The following GRHL2 variants were observed in gnomAD, a reference collection of about 807,000 sequenced individuals.
GRHL2 encodes the protein grainyhead-like protein 2 homolog.
GRHL2 carries 21 observed loss-of-function variants against 83.8 expected under a neutral mutation model. The observed-to-expected ratio is 0.25, with a 90% CI of 0.18 to 0.36. The LOEUF is 0.36. Ranked by LOEUF, GRHL2 falls within the 10% of genes least tolerant of loss-of-function variation. The pLI, the probability that GRHL2 is intolerant of heterozygous loss-of-function variation, is 1.00. For synonymous variants in GRHL2, 280 were observed against 278.9 expected, an observed-to-expected ratio of 1.00 and a Z score of -0.04; for missense variants, 623 against 781.8, an observed-to-expected ratio of 0.80 and a Z score of 2.42.
At chr8:101,615,153 C>T (rs1208380137) in intron 8 of GRHL2, among the ~76,000 whole-genome samples, 1 of 152,134 alleles carries the variant, frequency 6.6e-6, no homozygotes. Flanking sequence ...CTTTAAAGAC[C>T]ATCTCTACTG....
chr8:101,545,870 ATTTTTTTTTTTTTT>A (rs1174568425), intron 2 of GRHL2, among the ~76,000 whole-genome samples: 109 of 83,636 alleles, frequency 1.3e-3, no homozygotes, highest in Non-Finnish European at 1.9e-3. Context: ...TCTTTGTAAC[ATTTTTTTTTTTTTT>A]TTTTTTTTTT....
chr8:101,639,794 A>C (rs1166983543), intron 12 of GRHL2, among the ~76,000 whole-genome samples: 2 of 152,272 alleles, frequency 1.3e-5, no homozygotes. Flanking sequence ...AAGGAGTGCC[A>C]GCTTCGCTGG....
intron 9 of GRHL2, among the ~76,000 whole-genome samples, chr8:101,626,561 G>A (rs1428092348): frequency 6.6e-6 from 1 of 151,946 alleles, no homozygotes; most frequent in East Asian, 1.9e-4. Flanking sequence ...TACATGTAGA[G>A]GAGCAACTTA....
At chr8:101,576,282 C>A (rs1332073447) in intron 6 of GRHL2, among the ~76,000 whole-genome samples, 1 of 152,184 alleles carries the variant, frequency 6.6e-6, no homozygotes, top group African/African-American at 2.4e-5. Context: ...GGCATGATCA[C>A]TACTCATTGA....
chr8:101,524,021 G>C (rs927767286), intron 1 of GRHL2, among the ~76,000 whole-genome samples: 1 of 152,238 alleles, frequency 6.6e-6, no homozygotes, highest in African/African-American at 2.4e-5. Context: ...TCTTCAAGAT[G>C]TGCCTCTCTC....
At chr8:101,530,187 G>A (rs1586424193) in intron 1 of GRHL2, among the ~76,000 whole-genome samples, 4 of 152,138 alleles carry the variant, frequency 2.6e-5, no homozygotes, top group Admixed American at 2.6e-4. Flanking sequence ...ACCAAAGGTG[G>A]GGTGCAGCCT....
chr8:101,634,370 G>A (rs1813245293), intron 11 of GRHL2, among the ~76,000 whole-genome samples: 1 of 152,170 alleles, frequency 6.6e-6, no homozygotes, highest in African/African-American at 2.4e-5. Flanking sequence ...GGGACTTTCA[G>A]ACTGCCTTTT....
Position 101,667,338 on chromosome 8 carries a change from T to C in GRHL2, c.*635T>C, listed in dbSNP as rs555331614. Reference sequence around the variant, plus strand: ...ACAGAAAGTCTGCCTGTCTGCATTGTACATAGTGTTTATAATATTGTAATA... The same window carrying C: ...ACAGAAAGTCTGCCTGTCTGCATTGCACATAGTGTTTATAATATTGTAATA... On this transcript the variant is annotated 3_prime_UTR_variant, in exon 16 of 16. Transcript: ENST00000646743. 9.1e-5 allele frequency: 15 copies of C among 164,444 alleles called. No individual in the cohort carries two copies. The highest frequency in any genetic ancestry group is 2.9e-4 in the African/African-American group (12 of 41,942). The allele number at this position is 164,444 out of a possible 1,614,324, so 10.2% of individuals were successfully genotyped here. A position where few individuals can be genotyped will look rare whatever the true frequency, so the allele number is the denominator to read the frequency against.
chr8:101,676,834 G>A, the GRHL2 span, among the ~76,000 whole-genome samples: 2 of 152,148 alleles, frequency 1.3e-5, no homozygotes, highest in African/African-American at 4.8e-5. Flanking sequence ...ACGATAGACT[G>A]GATTAAGAAA....
At chr8:101,659,365 C>T (rs1041566471) in intron 14 of GRHL2, among the ~76,000 whole-genome samples, 7 of 152,252 alleles carry the variant, frequency 4.6e-5, no homozygotes, top group African/African-American at 1.7e-4. Flanking sequence ...TTTCCCCATC[C>T]AAGTTCATAT....
intron 1 of GRHL2, among the ~76,000 whole-genome samples, chr8:101,519,219 T>C (rs1364094359): frequency 1.3e-5 from 2 of 152,082 alleles, no homozygotes; most frequent in Admixed American, 1.3e-4. Flanking sequence ...GATAGGGTCT[T>C]GCTATGTTGC....
chr8:101,626,857 T>C (rs1813091408), intron 9 of GRHL2, among the ~76,000 whole-genome samples: 1 of 152,108 alleles, frequency 6.6e-6, no homozygotes, highest in African/African-American at 2.4e-5. Context: ...AAGGTCTTGC[T>C]CAAGGAATGT....
chr8:101,621,344 T>C (rs1454573223), intron 9 of GRHL2, among the ~76,000 whole-genome samples: 2 of 152,100 alleles, frequency 1.3e-5, no homozygotes, highest in African/African-American at 4.8e-5. Flanking sequence ...TGAAGATCAA[T>C]GTAAATCACA....
At chr8:101,569,822 A>C (rs1408506432) in intron 4 of GRHL2, among the ~76,000 whole-genome samples, 1 of 152,230 alleles carries the variant, frequency 6.6e-6, no homozygotes, top group Non-Finnish European at 1.5e-5. Flanking sequence ...TTATAAATAG[A>C]AATTTTATAG....
In GRHL2 at chr8:101,608,735, T is replaced by TCACACACA. The variant is rs72332231; in HGVS notation, c.1098+9620_1098+9627dup. 1.3e-4 allele frequency among the ~76,000 whole-genome samples: 19 copies of TCACACACA among 144,774 alleles called. 1 individual carries two copies. The East Asian group carries it at 2.8e-3, about 22-fold the overall frequency. The allele number at this position is 144,774 out of a possible 152,430, so 95.0% of individuals were successfully genotyped here. A position where few individuals can be genotyped will look rare whatever the true frequency, so the allele number is the denominator to read the frequency against. ...ATTTGCTTTGTCTCTGCTCACTCTC[T>TCACACACA]CACACACACACACACACACACACAC... On this transcript the variant is annotated intron_variant, in intron 8 of 15. Coordinates refer to ENST00000646743, the MANE Select transcript of GRHL2 (RefSeq NM_024915.4).
chr8:101,671,518 C>T (rs1445697617), downstream of GRHL2, among the ~76,000 whole-genome samples: 1 of 152,186 alleles, frequency 6.6e-6, no homozygotes, highest in East Asian at 1.9e-4. Flanking sequence ...CTTGATTAGG[C>T]AAACAAAGCA....
rs758361919 is a variant in GRHL2, at chr8:101,666,576, C to A, written c.1764-13C>A. Reference sequence around the variant, plus strand: ...CGTCTTTGTTTTTCACACCCCTCCCCCCTCCATGGCAGCATCTTGGTGAAC... The same window carrying A: ...CGTCTTTGTTTTTCACACCCCTCCCACCTCCATGGCAGCATCTTGGTGAAC... On this transcript the variant is annotated splice_polypyrimidine_tract_variant and intron_variant, in intron 15 of 15. Coordinates refer to ENST00000646743, the MANE Select transcript of GRHL2 (RefSeq NM_024915.4). 4.0e-6 allele frequency: 6 copies of A among 1,518,764 alleles called. No homozygotes were observed. The highest frequency in any genetic ancestry group is 1.7e-4 in the Middle Eastern group (1 of 5,906). 94.1% of individuals were successfully genotyped at this position (1,518,764 alleles called of 1,614,324 possible). A position where few individuals can be genotyped will look rare whatever the true frequency, so the allele number is the denominator to read the frequency against.
At chr8:101,604,262 C>T (rs1456519967) in intron 8 of GRHL2, among the ~76,000 whole-genome samples, 1 of 152,188 alleles carries the variant, frequency 6.6e-6, no homozygotes, top group East Asian at 1.9e-4. Flanking sequence ...ATGAGGAATT[C>T]CCACGCAAGA....
chr8:101,553,774 C>G lies in GRHL2; in HGVS notation c.284+992C>G, dbSNP rs181768042. On this transcript the variant is annotated intron_variant, in intron 3 of 15. Transcript: ENST00000646743. ...TCCTGAGTAGCTGGGACTGCAAGTGCGCACCACCATGCCAGGCTAATTTTT... is the reference window on the plus strand; with the variant it reads ...TCCTGAGTAGCTGGGACTGCAAGTGGGCACCACCATGCCAGGCTAATTTTT... Among the ~76,000 whole-genome samples the G allele has an allele frequency of 3.3e-5, 5 of 152,104 alleles. No homozygotes were observed. The South Asian group carries it at 1.0e-3, about 32-fold the overall frequency.
Sources: gnomAD v4.1 joint callset for allele counts (sites outside exome capture counted in the v4.1 genomes callset) on GRCh38, gnomAD v4.1.1 for gene constraint, MANE v1.5 for transcripts, NCBI Gene and HGNC (gene_info 2026-07-23, HGNC 2026-07-21) for gene names.